Variants in ESRRG observed in about 807,000 individuals in gnomAD.
ESRRG encodes the protein estrogen-related receptor gamma.
ESRRG carries 13 observed loss-of-function variants against 44.0 expected under a neutral mutation model. The observed-to-expected ratio is 0.30, with a 90% confidence interval of 0.19 to 0.47. The LOEUF (loss-of-function observed/expected upper bound fraction) is 0.47, where lower values mean the gene tolerates loss of function less well. Among genes scored for constraint, ESRRG ranks in the 20% least tolerant of loss-of-function variants. The probability of loss-of-function intolerance (pLI) is 1.00; values close to 1 mark genes in which losing one functional copy is unlikely to be tolerated. For synonymous variants in ESRRG, 215 were observed against 214.6 expected (o/e 1.00, Z -0.02); for missense variants, 395 against 580.6 (o/e 0.68, Z 3.29).
At chr1:216,750,142 G>T (rs1349941227) in intron 2 of ESRRG, among the ~76,000 whole-genome samples, 1 of 152,084 alleles carries the variant, frequency 6.6e-6, no homozygotes, top group South Asian at 2.1e-4. Flanking sequence ...AGTTTGTAGA[G>T]AAGTCTGTTT....
chr1:217,135,616 G>A (rs900138524), intron 1 of ESRRG, among the ~76,000 whole-genome samples: 4 of 152,086 alleles, frequency 2.6e-5, no homozygotes, highest in African/African-American at 9.7e-5. Context: ...GCGAAGCGGG[G>A]TCAGGCGCGG....
intron 5 of ESRRG, among the ~76,000 whole-genome samples, chr1:216,540,117 C>T (rs778900559): frequency 6.6e-6 from 1 of 151,970 alleles, no homozygotes; most frequent in Non-Finnish European, 1.5e-5. Context: ...CACCTTATTG[C>T]ATATCTATTA....
chr1:216,507,208 A>T (rs1411159963), intron 6 of ESRRG, 25 bp from the exon 7 acceptor site: 2 of 1,511,320 alleles, frequency 1.3e-6, no homozygotes, highest in Non-Finnish European at 1.8e-6. Flanking sequence ...AAAAGATATG[A>T]GTAATTATAA....
intron 1 of ESRRG, among the ~76,000 whole-genome samples, chr1:217,035,240 C>T (rs773953099): frequency 2.1e-5 from 3 of 141,686 alleles, no homozygotes; most frequent in Non-Finnish European, 4.5e-5. Flanking sequence ...AATCCCAGTG[C>T]TTTGGGAGGT....
chr1:216,992,702 T>C lies in ESRRG; in HGVS notation c.-105-53029A>G, dbSNP rs1320930682. Among the ~76,000 whole-genome samples, 6 of 152,340 alleles carry C rather than the reference T, an allele frequency of 3.9e-5. No individual in the cohort carries two copies. In the South Asian group the frequency reaches 6.2e-4, roughly 16 times the overall value. On this transcript the variant is annotated intron_variant, in intron 1 of 7. Transcript: ENST00000359162. ...ATAGATATCAAATTCCAATATTGGT[T>C]TGAAGCAAACCAAACTCCCTATAAT... is the stretch of plus-strand genomic sequence containing the variant.
chr1:217,118,917 C>T (rs2092776609), intron 1 of ESRRG, among the ~76,000 whole-genome samples: 1 of 151,978 alleles, frequency 6.6e-6, no homozygotes, highest in Non-Finnish European at 1.5e-5. Context: ...TCACTTGAGC[C>T]CAGCATTAGA....
intron 2 of ESRRG, among the ~76,000 whole-genome samples, chr1:216,804,506 G>A (rs1358335417): frequency 6.6e-6 from 1 of 152,022 alleles, no homozygotes; most frequent in Non-Finnish European, 1.5e-5. Flanking sequence ...TTCCGAATAA[G>A]CCCTGGGATT....
At chr1:216,883,994 C>T (rs941976035) in intron 2 of ESRRG, among the ~76,000 whole-genome samples, 33 of 152,180 alleles carry the variant, frequency 2.2e-4, no homozygotes, top group African/African-American at 8.0e-4. Context: ...TGCAGTCCTT[C>T]AGAATGAAAG....
intron 3 of ESRRG, among the ~76,000 whole-genome samples, chr1:216,576,468 A>G (rs1394078632): frequency 1.3e-5 from 2 of 151,992 alleles, no homozygotes; most frequent in Admixed American, 1.3e-4. Context: ...GTCTCCTGAT[A>G]GCTATCTGGA....
chr1:216,837,205 C>T (rs1266478859), intron 2 of ESRRG, among the ~76,000 whole-genome samples: 2 of 151,504 alleles, frequency 1.3e-5, no homozygotes, highest in African/African-American at 4.9e-5. Context: ...GTCAGGAGAT[C>T]GAGACCATCC....
intron 4 of ESRRG, among the ~76,000 whole-genome samples, chr1:216,567,446 A>G (rs1322623097): frequency 1.3e-5 from 2 of 152,172 alleles, no homozygotes; most frequent in Non-Finnish European, 2.9e-5. Context: ...CCAGCCACCT[A>G]TGCTTGTTAT....
chr1:217,036,862 G>A (rs1290809040), intron 1 of ESRRG, among the ~76,000 whole-genome samples: 1 of 151,586 alleles, frequency 6.6e-6, no homozygotes, highest in Non-Finnish European at 1.5e-5. Flanking sequence ...GAGTATAGGC[G>A]ATGGAAACCA....
chr1:216,550,464 C>G (rs1339030081), intron 5 of ESRRG, among the ~76,000 whole-genome samples: 2 of 152,076 alleles, frequency 1.3e-5, no homozygotes, highest in Non-Finnish European at 2.9e-5. Context: ...CCTTGTTTTT[C>G]AACTGGCAAT....
chr1:216,963,127 A>G (rs893366392), intron 1 of ESRRG, among the ~76,000 whole-genome samples: 3 of 152,196 alleles, frequency 2.0e-5, no homozygotes, highest in South Asian at 2.1e-4. Context: ...TTTGTACACT[A>G]TAAGGCGCTA....
At chr1:216,525,649 G>A (rs1167981986) in intron 5 of ESRRG, among the ~76,000 whole-genome samples, 3 of 152,094 alleles carry the variant, frequency 2.0e-5, no homozygotes, top group Non-Finnish European at 4.4e-5. Flanking sequence ...GGAAAGCAAT[G>A]CCATATAATA....
chr1:216,644,205 T>C (rs2067026899), intron 3 of ESRRG, among the ~76,000 whole-genome samples: 1 of 152,122 alleles, frequency 6.6e-6, no homozygotes, highest in African/African-American at 2.4e-5. Context: ...ATACCATGTA[T>C]TGTCTCACCA....
chr1:216,883,967 A>T (rs915337351), intron 2 of ESRRG, among the ~76,000 whole-genome samples: 3 of 152,354 alleles, frequency 2.0e-5, no homozygotes, highest in Admixed American at 6.5e-5. Context: ...TTAAATAGTC[A>T]TATTTTAAAT....
At chr1:217,046,885 TAA>T (rs34206194) in intron 1 of ESRRG, among the ~76,000 whole-genome samples, 1 of 146,552 alleles carries the variant, frequency 6.8e-6, no homozygotes. Flanking sequence ...TCCTGTCTCA[TAA>T]AAAAAAAGGG....
chr1:216,857,331 C>T (rs58216099), intron 2 of ESRRG, among the ~76,000 whole-genome samples: 1 of 151,270 alleles, frequency 6.6e-6, no homozygotes, highest in South Asian at 2.1e-4. Flanking sequence ...TGAAGACATT[C>T]CTTTCCTATT....
Sources: gnomAD v4.1 joint callset for allele counts (sites outside exome capture counted in the v4.1 genomes callset) on GRCh38, gnomAD v4.1.1 for gene constraint, MANE v1.5 for transcripts, NCBI Gene and HGNC (gene_info 2026-07-23, HGNC 2026-07-21) for gene names.